SPAST: variants seen among roughly 807,000 people sequenced by gnomAD.
The protein encoded by SPAST is spastin.
A neutral mutation model predicts 76.6 loss-of-function variants in SPAST; 30 were observed. The ratio of observed to expected loss-of-function variants is 0.39; its 90% CI spans 0.29 to 0.53. The LOEUF (loss-of-function observed/expected upper bound fraction) is 0.53. Among genes scored for constraint, SPAST ranks in the 20% least tolerant of loss-of-function variants. The pLI is 0.68. For missense variants in SPAST, 717 were observed against 770.5 expected (o/e 0.93, Z 0.82); for synonymous variants, 305 against 281.0 (o/e 1.09, Z -0.86).
chr2:32,092,175 C>T (rs760473889), intron 3 of SPAST, among the ~76,000 whole-genome samples: 1 of 152,150 alleles, frequency 6.6e-6, no homozygotes. Context: ...AAAAATGCAG[C>T]CGTTACTGCT....
chr2:32,138,495 A>C (rs554305254), intron 12 of SPAST, among the ~76,000 whole-genome samples: 1 of 151,898 alleles, frequency 6.6e-6, no homozygotes, highest in Non-Finnish European at 1.5e-5. Context: ...AGAAGTGTCT[A>C]TTCATTTCCT....
At chr2:32,084,421 C>T (rs1451842036) in intron 1 of SPAST, among the ~76,000 whole-genome samples, 1 of 151,810 alleles carries the variant, frequency 6.6e-6, no homozygotes, top group African/African-American at 2.4e-5. Flanking sequence ...GTCTCGGCCT[C>T]CCAAAGTGCT....
At chr2:32,124,003 G>GA (rs35266649) in intron 7 of SPAST, among the ~76,000 whole-genome samples, 53,712 of 149,874 alleles carry the variant, frequency 0.36, 9,856 homozygotes, top group East Asian at 0.64. Flanking sequence ...CATGATCCTT[G>GA]AAAAAAAAAA....
intron 1 of SPAST, among the ~76,000 whole-genome samples, chr2:32,064,833 CT>C (rs1176812803): frequency 1.3e-5 from 2 of 152,108 alleles, no homozygotes; most frequent in African/African-American, 2.4e-5. Context: ...TAGCATAAAA[CT>C]TTTCCCCCTG....
intron 4 of SPAST, among the ~76,000 whole-genome samples, chr2:32,103,518 G>A (rs1678204287): frequency 6.6e-6 from 1 of 152,044 alleles, no homozygotes; most frequent in South Asian, 2.1e-4. Flanking sequence ...GCTTTTGAAG[G>A]TGTTTGCTCT....
chr2:32,102,712 C>T (rs546461351), intron 4 of SPAST, among the ~76,000 whole-genome samples: 3 of 152,308 alleles, frequency 2.0e-5, no homozygotes, highest in Admixed American at 6.5e-5. Flanking sequence ...GCCTTTTCTG[C>T]ATCTATTGAG....
intron 7 of SPAST, 34 bp downstream of exon 7, chr2:32,116,246 C>A (rs765161489): frequency 5.3e-5 from 70 of 1,321,158 alleles, no homozygotes; most frequent in Non-Finnish European, 7.1e-5. Context: ...TTCTATAATA[C>A]CATCTGTTAC....
intron 7 of SPAST, among the ~76,000 whole-genome samples, chr2:32,122,395 C>A (rs776491207): frequency 3.3e-5 from 5 of 152,160 alleles, no homozygotes; most frequent in African/African-American, 1.2e-4. Context: ...GATCTTGGCT[C>A]ACTGCAACCT....
At chr2:32,080,364 T>C (rs1030935492) in intron 1 of SPAST, among the ~76,000 whole-genome samples, 7 of 152,216 alleles carry the variant, frequency 4.6e-5, no homozygotes. Flanking sequence ...AGTAAAACTT[T>C]ATGTACAAAA....
intron 4 of SPAST, among the ~76,000 whole-genome samples, chr2:32,102,022 G>A (rs1222062420): frequency 2.0e-5 from 3 of 152,120 alleles, no homozygotes; most frequent in Non-Finnish European, 2.9e-5. Context: ...AAAGTCATTT[G>A]TAGCTTGATG....
At chr2:32,085,839 C>T (rs116108176) in intron 1 of SPAST, among the ~76,000 whole-genome samples, 1 of 151,288 alleles carries the variant, frequency 6.6e-6, no homozygotes, top group Admixed American at 6.6e-5. Context: ...GTCAGGAGAT[C>T]GAGACTATCC....
chr2:32,148,182 C>G (rs1179039531), intron 16 of SPAST, among the ~76,000 whole-genome samples: 1 of 152,000 alleles, frequency 6.6e-6, no homozygotes, highest in Non-Finnish European at 1.5e-5. Context: ...ATCCTCCTGC[C>G]TCAGTCTCTC....
At chr2:32,108,257 A>G (rs1381483020) in intron 4 of SPAST, among the ~76,000 whole-genome samples, 17 of 152,218 alleles carry the variant, frequency 1.1e-4, no homozygotes, top group Non-Finnish European at 2.5e-4. Context: ...AAAAATTTAC[A>G]GACAACAGCC....
At chr2:32,110,551 CTATATAGTGTGTATATATAGTATA>C (rs1558319733) in intron 4 of SPAST, among the ~76,000 whole-genome samples, 121 of 54,172 alleles carry the variant, frequency 2.2e-3, no homozygotes, top group African/African-American at 8.6e-3. Flanking sequence ...TATATATATA[CTATATAGTGTGTATATATAGTATA>C]TATATAGTGT....
intron 3 of SPAST, among the ~76,000 whole-genome samples, chr2:32,091,479 G>A (rs1677714859): frequency 6.7e-6 from 1 of 149,826 alleles, no homozygotes; most frequent in East Asian, 2.1e-4. Flanking sequence ...GTTTCACCAT[G>A]TTGGCCAGGC....
At chr2:32,111,128 GTATA>G (rs1327986258) in intron 4 of SPAST, among the ~76,000 whole-genome samples, 3 of 123,212 alleles carry the variant, frequency 2.4e-5, no homozygotes, top group Admixed American at 2.0e-4. Context: ...TGTGTATAGA[GTATA>G]TATACAGTAT....
intron 1 of SPAST, among the ~76,000 whole-genome samples, chr2:32,077,279 G>A (rs1353044828): frequency 2.0e-5 from 3 of 152,172 alleles, no homozygotes; most frequent in Non-Finnish European, 4.4e-5. Context: ...GGAATGGTTT[G>A]TGTGAGAATA....
Position 32,093,501 on chromosome 2 carries a change from C to T in SPAST, c.586+3896C>T, listed in dbSNP as rs538069457. On this transcript the variant is annotated intron_variant, in intron 3 of 16. Transcript: ENST00000315285. ...TGTCTCAAAACAAAAACAAACAAACCAAACCACCTCTTGTCCACTCCTAAT... is the reference window on the plus strand; with the variant it reads ...TGTCTCAAAACAAAAACAAACAAACTAAACCACCTCTTGTCCACTCCTAAT... Among the ~76,000 whole-genome samples the T allele has an allele frequency of 1.6e-3, 239 of 152,078 alleles. 1 individual carries two copies. Among genetic ancestry groups the T allele is most frequent in the African/African-American group, 5.3e-3 (222 of 41,536 alleles).
intron 7 of SPAST, among the ~76,000 whole-genome samples, chr2:32,122,682 A>G (rs1185783002): frequency 6.6e-6 from 1 of 151,926 alleles, no homozygotes; most frequent in African/African-American, 2.4e-5. Flanking sequence ...GCTCCCACCT[A>G]TAATCCCAGC....
Sources: gnomAD v4.1 joint callset for allele counts (sites outside exome capture counted in the v4.1 genomes callset) on GRCh38, gnomAD v4.1.1 for gene constraint, MANE v1.5 for transcripts, NCBI Gene and HGNC (gene_info 2026-07-23, HGNC 2026-07-21) for gene names.